Variants in HDHD5 observed in about 807,000 individuals in gnomAD.
The protein encoded by HDHD5 is haloacid dehalogenase like hydrolase domain containing 5, also known as haloacid dehalogenase-like hydrolase domain-containing 5.
HDHD5 carries 34 observed loss-of-function variants against 35.5 expected under a neutral mutation model. The ratio of observed to expected loss-of-function variants is 0.96; its 90% CI spans 0.73 to 1.28. HDHD5 has a LOEUF of 1.28. HDHD5 is among the 50% of genes most tolerant of loss of function. The pLI is 0.00. For missense variants in HDHD5, 589 were observed against 560.2 expected (o/e 1.05, Z -0.52); for synonymous variants, 248 against 240.6 (o/e 1.03, Z -0.29).
chr22:17,162,948 T>A (rs578130464), upstream of HDHD5, among the ~76,000 whole-genome samples: 2 of 152,350 alleles, frequency 1.3e-5, no homozygotes, highest in East Asian at 3.9e-4. Context: ...CTGCTGTTGC[T>A]TAACGCATCT....
At chr22:17,141,785 G>A (rs1268614401) in intron 5 of HDHD5, 1 of 178,908 alleles carries the variant, frequency 5.6e-6, no homozygotes, top group African/African-American at 2.4e-5. Context: ...TAGCTATTGT[G>A]AGGATAAAAA....
rs556902384 is a variant in HDHD5, at chr22:17,141,368, C to T, written c.572-135G>A. ...CCAGCTGGGCAGGGGCACAGCTCCC[C>T]AACAAGCCCAGTAGAGCCCCTTACC... On this transcript the variant is annotated intron_variant, in intron 5 of 7. Coordinates refer to ENST00000336737, the MANE Select transcript of HDHD5 (RefSeq NM_033070.3). 37 of 1,417,676 alleles carry T rather than the reference C, an allele frequency of 2.6e-5. No individual in the cohort carries two copies. The South Asian group carries it at 4.1e-4, about 16-fold the overall frequency. The allele number at this position is 1,417,676 out of a possible 1,614,324, so 87.8% of individuals were successfully genotyped here. A position where few individuals can be genotyped will look rare whatever the true frequency, so the allele number is the denominator to read the frequency against.
intron 1 of HDHD5, among the ~76,000 whole-genome samples, chr22:17,151,722 T>C (rs1601396481): frequency 1.7e-5 from 1 of 58,814 alleles, no homozygotes; most frequent in African/African-American, 8.5e-5. Context: ...AAAGCTAGAC[T>C]CTACTAAAAA....
intron 3 of HDHD5, among the ~76,000 whole-genome samples, chr22:17,148,095 G>A (rs898624315): frequency 6.6e-6 from 1 of 152,184 alleles, no homozygotes; most frequent in Non-Finnish European, 1.5e-5. Flanking sequence ...TAGAGCAGGG[G>A]TTCCCAAACC....
intron 1 of HDHD5, chr22:17,165,168 C>T (rs781323002): frequency 1.3e-5 from 10 of 765,256 alleles, no homozygotes; most frequent in South Asian, 1.2e-4. Context: ...TAATAATACT[C>T]CTGGCCTCTC....
At chr22:17,158,470 C>T (rs1312355638) in intron 1 of HDHD5, 3 of 152,256 alleles carry the variant, frequency 2.0e-5, no homozygotes, top group African/African-American at 7.2e-5. Flanking sequence ...GTTTAGTGTC[C>T]TGTGCCGTCT....
chr22:17,145,018 T>C lies in HDHD5; in HGVS notation c.537+6A>G, dbSNP rs1247170273. The C allele has an allele frequency of 1.2e-6, 2 of 1,613,668 alleles. No homozygotes were observed. Among genetic ancestry groups the C allele is most frequent in the South Asian group, 2.2e-5 (2 of 91,048 alleles). ...AAGACACAGCCCAACCCATGCTCCT[T>C]ATTACCGTGGTCTTTAGCCGCCGCT... On this transcript the variant is annotated splice_donor_region_variant and intron_variant, in intron 4 of 7. Coordinates refer to ENST00000336737, the MANE Select transcript of HDHD5 (RefSeq NM_033070.3).
intron 1 of HDHD5, among the ~76,000 whole-genome samples, chr22:17,154,701 C>T (rs1667489673): frequency 6.6e-6 from 1 of 150,560 alleles, no homozygotes; most frequent in Admixed American, 6.6e-5. Context: ...CAGCTCACTG[C>T]AACCTCAACC....
chr22:17,156,894 A>C (rs2061798896), intron 1 of HDHD5, among the ~76,000 whole-genome samples: 1 of 151,560 alleles, frequency 6.6e-6, no homozygotes, highest in South Asian at 2.1e-4. Flanking sequence ...CCTGGCCAAC[A>C]CAGTGAAACC....
Position 17,143,147 on chromosome 22 carries a change from G to T in HDHD5, c.538-16C>A. 6.2e-7 allele frequency: 1 copy of T among 1,607,334 alleles called. No individual in the cohort carries two copies. The highest frequency in any genetic ancestry group is 1.7e-4 in the Middle Eastern group (1 of 5,986). On this transcript the variant is annotated splice_polypyrimidine_tract_variant and intron_variant, in intron 4 of 7. Transcript: ENST00000336737. ...TCGGGAGGGGCTGCAGAGAGACAAA[G>T]GAGAGGCTATCAACACAAGTCGCCT...
chr22:17,139,275 C>CTTAG (rs1308177951), intron 6 of HDHD5, among the ~76,000 whole-genome samples: 2 of 152,220 alleles, frequency 1.3e-5, no homozygotes, highest in African/African-American at 2.4e-5. Flanking sequence ...TGCCTGTAAT[C>CTTAG]TTAGCACTTT....
intron 1 of HDHD5, among the ~76,000 whole-genome samples, chr22:17,150,755 G>A (rs377513311): frequency 3.3e-5 from 5 of 152,094 alleles, no homozygotes; most frequent in African/African-American, 1.2e-4. Flanking sequence ...CTGACCTTAG[G>A]TGATTCACCC....
intron 3 of HDHD5, among the ~76,000 whole-genome samples, chr22:17,148,244 G>A (rs1331690024): frequency 6.6e-6 from 1 of 152,154 alleles, no homozygotes; most frequent in Non-Finnish European, 1.5e-5. Flanking sequence ...GGATTCTGAT[G>A]CAGGGGTATG....
chr22:17,140,391 C>G (rs1324559370), intron 6 of HDHD5, among the ~76,000 whole-genome samples: 1 of 152,174 alleles, frequency 6.6e-6, no homozygotes, highest in East Asian at 1.9e-4. Flanking sequence ...AGCCACTTAT[C>G]TGCTGGGTCT....
In HDHD5 at chr22:17,138,045, G is replaced by T; in HGVS notation, c.1248C>A (p.Arg416=). 6.2e-7 allele frequency: 1 copy of T among 1,613,070 alleles called. No individual in the cohort carries two copies. Among genetic ancestry groups the T allele is most frequent in the Non-Finnish European group, 8.5e-7 (1 of 1,179,218 alleles). ...CTCACTCCAAAGCCCAGCCCTCCTT[G>T]CGGAAGACCAGCTGCACAGCCTCAT... ...DVNEAVQLVF[R]KEGWALE is the part of the protein sequence containing the mutation. The change falls in exon 8 of 8, where the codon CGC becomes CGA. Residue 416 remains arginine, a synonymous_variant. Transcript: ENST00000336737.
Position 17,138,218 on chromosome 22 carries a change from T to C in HDHD5, c.1075A>G (p.Ile359Val). 6.2e-7 allele frequency: 1 copy of C among 1,614,082 alleles called. No individual in the cohort carries two copies. Among genetic ancestry groups the C allele is most frequent in the Non-Finnish European group, 8.5e-7 (1 of 1,180,016 alleles). ...TTGTAGACGCCTGTACACACCAGGA[T>C]GGAGATGCAGCTCTGGCTTGCTGAG... ...QPSASQSCIS[I>V]LVCTGVYNPR... Residue 359 changes from isoleucine to valine, a missense_variant, in exon 8 of 8, where the codon ATC becomes GTC. By Grantham distance (29) the Ile-to-Val change is conservative. Transcript: ENST00000336737.
intron 1 of HDHD5, 102 bp downstream of exon 1, chr22:17,159,024 A>G: frequency 3.8e-6 from 4 of 1,042,860 alleles, no homozygotes; most frequent in Non-Finnish European, 4.8e-6. Context: ...AGTTCCCAGG[A>G]GGCTGGGATA....
intron 1 of HDHD5, among the ~76,000 whole-genome samples, chr22:17,153,162 G>T (rs1162812357): frequency 6.6e-6 from 1 of 152,216 alleles, no homozygotes; most frequent in Non-Finnish European, 1.5e-5. Flanking sequence ...ATGTAACAAA[G>T]GCATTTTTAT....
intron 4 of HDHD5, 37 bp from the exon 5 acceptor site, chr22:17,143,168 C>A (rs749717734): frequency 6.3e-7 from 1 of 1,599,104 alleles, no homozygotes; most frequent in East Asian, 2.3e-5. Flanking sequence ...CAACACAAGT[C>A]GCCTTCCACT....
Sources: allele counts gnomAD v4.1 joint callset (sites outside exome capture counted in the v4.1 genomes callset), GRCh38; gene constraint gnomAD v4.1.1; transcripts MANE v1.5; gene names NCBI Gene and HGNC (gene_info 2026-07-23, HGNC 2026-07-21).